STAT4: variants seen among roughly 807,000 people sequenced by gnomAD.
STAT4 encodes signal transducer and activator of transcription 4.
Under a neutral mutation model 110.5 loss-of-function variants are expected in STAT4, and 42 were observed. The observed-to-expected ratio is 0.38, with a 90% CI of 0.30 to 0.49. The LOEUF (loss-of-function observed/expected upper bound fraction) is 0.49, where lower values mean the gene tolerates loss of function less well. Among genes scored for constraint, STAT4 ranks in the 20% least tolerant of loss-of-function variants. STAT4 has a pLI of 0.95. For missense variants in STAT4, 632 were observed against 887.9 expected, an observed-to-expected ratio of 0.71 and a Z score of 3.66; for synonymous variants, 284 against 302.2, an observed-to-expected ratio of 0.94 and a Z score of 0.63.
upstream of STAT4, chr2:191,151,203 C>T: frequency 1.0e-6 from 1 of 985,722 alleles, no homozygotes; most frequent in South Asian, 4.7e-5. The surrounding 1 kb of genome is among the most constrained non-coding windows in gnomAD (Gnocchi z 4.7). Flanking sequence ...GTCCTCTTCC[C>T]TCTTATCCCT....
In STAT4 at chr2:191,062,151, C is replaced by T. The variant is rs1696866082; in HGVS notation, c.942-330G>A. 2.0e-5 allele frequency among the ~76,000 whole-genome samples: 3 copies of T among 152,272 alleles called. No individual in the cohort carries two copies. In the South Asian group the frequency reaches 6.2e-4, roughly 32 times the overall value. ...CTCACTGCAGTCTCAACCTCCTGAG[C>T]TCAAGTGATCCTCCTGCCTTGGCCT... On this transcript the variant is annotated intron_variant, in intron 9 of 23. Coordinates refer to ENST00000392320, the MANE Select transcript of STAT4 (RefSeq NM_003151.4). The surrounding 1 kb of genome is among the most constrained non-coding windows in gnomAD (Gnocchi z 4.9).
In STAT4 at chr2:191,061,664, G is replaced by A. The variant is rs1696853398; in HGVS notation, c.1034+65C>T. ...ATGCAAGCCACAATGAGAGAAATTGGCCTTGATCATCCAGAGACTATAGCT... is the reference window on the plus strand; with the variant it reads ...ATGCAAGCCACAATGAGAGAAATTGACCTTGATCATCCAGAGACTATAGCT... On this transcript the variant is annotated intron_variant, in intron 10 of 23. Coordinates refer to ENST00000392320, the MANE Select transcript of STAT4 (RefSeq NM_003151.4). The surrounding 1 kb of genome is among the most constrained non-coding windows in gnomAD (Gnocchi z 6.2). The A allele has an allele frequency of 2.1e-6, 3 of 1,428,912 alleles. No homozygotes were observed. The highest frequency in any genetic ancestry group is 1.7e-4 in the Middle Eastern group (1 of 5,726). The allele number at this position is 1,428,912 out of a possible 1,614,324, so 88.5% of individuals were successfully genotyped here.
In STAT4 at chr2:191,031,757, C is replaced by T. The variant is rs1197381189; in HGVS notation, c.2045-241G>A. On this transcript the variant is annotated intron_variant, in intron 21 of 23. Transcript: ENST00000392320. This position sits in a 1 kb window ranked among gnomAD's most constrained non-coding sequence, Gnocchi z 4.8. ...CCTAATCTGACTTTACATATTAATG[C>T]CTCTAAACTGTGTGGGAAAAATTGA... Among the ~76,000 whole-genome samples, 1 of 152,088 alleles carries T rather than the reference C, an allele frequency of 6.6e-6. No homozygotes were observed. The highest frequency in any genetic ancestry group is 1.9e-4 in the East Asian group (1 of 5,200).
intron 3 of STAT4, among the ~76,000 whole-genome samples, chr2:191,095,774 T>A (rs186354815): frequency 6.6e-6 from 1 of 152,142 alleles, no homozygotes; most frequent in East Asian, 1.9e-4. Flanking sequence ...AGAGCAGAAC[T>A]GAAAGAGATA....
rs1258202225 is a variant in STAT4 at position 191,031,677 on chromosome 2, A to G, written c.2045-161T>C. On this transcript the variant is annotated intron_variant, in intron 21 of 23. Coordinates refer to ENST00000392320, the MANE Select transcript of STAT4 (RefSeq NM_003151.4). The surrounding 1 kb of genome is among the most constrained non-coding windows in gnomAD (Gnocchi z 4.8). ...AATGTTTTGTTAAATAGGGGACACA[A>G]TCTTTTAGATAAGCATAAAATGTGC... is the stretch of plus-strand genomic sequence containing the variant. 6.6e-6 allele frequency among the ~76,000 whole-genome samples: 1 copy of G among 152,210 alleles called. No homozygotes were observed. Among genetic ancestry groups the G allele is most frequent in the Non-Finnish European group, 1.5e-5 (1 of 68,022 alleles).
Position 191,037,140 on chromosome 2 carries a change from A to G in STAT4, c.1435-841T>C, listed in dbSNP as rs1396548224. Among the ~76,000 whole-genome samples, 3 of 152,186 alleles carry G rather than the reference A, an allele frequency of 2.0e-5. No homozygotes were observed. The highest frequency in any genetic ancestry group is 7.2e-5 in the African/African-American group (3 of 41,450). On this transcript the variant is annotated intron_variant, in intron 16 of 23. Coordinates refer to ENST00000392320, the MANE Select transcript of STAT4 (RefSeq NM_003151.4). The surrounding 1 kb of genome is among the most constrained non-coding windows in gnomAD (Gnocchi z 4.8). ...TCATCCTAAACAAAACTTATATCAT[A>G]TTATTTAATTGGTTTATCGTGGGGT...
At position 191,035,945 on chromosome 2, in the gene STAT4, C is replaced by A. The variant is rs966778054; in HGVS notation, c.1570+219G>T. 6.6e-6 allele frequency among the ~76,000 whole-genome samples: 1 copy of A among 152,182 alleles called. No individual in the cohort carries two copies. The highest frequency in any genetic ancestry group is 1.5e-5 in the Non-Finnish European group (1 of 68,032). Reference sequence around the variant, plus strand: ...AGTCACTTGACTTCTGCACTCCAATCCAGTCATTTATAAAATTGGTAGAAT... The same window carrying A: ...AGTCACTTGACTTCTGCACTCCAATACAGTCATTTATAAAATTGGTAGAAT... On this transcript the variant is annotated intron_variant, in intron 17 of 23. Coordinates refer to ENST00000392320, the MANE Select transcript of STAT4 (RefSeq NM_003151.4). This position sits in a 1 kb window ranked among gnomAD's most constrained non-coding sequence, Gnocchi z 4.7.
Position 191,113,684 on chromosome 2 carries a change from C to T in STAT4, c.273+32929G>A, listed in dbSNP as rs1013634793. On this transcript the variant is annotated intron_variant, in intron 3 of 23. Coordinates refer to ENST00000392320, the MANE Select transcript of STAT4 (RefSeq NM_003151.4). This position sits in a 1 kb window ranked among gnomAD's most constrained non-coding sequence, Gnocchi z 4.8. ...TAAAGATGAAATTTAGAGAGTGTTC[C>T]GAGTTGGAGTTTCATCAAAAGGAGC... 3.9e-5 allele frequency among the ~76,000 whole-genome samples: 6 copies of T among 151,924 alleles called. No individual in the cohort carries two copies. The highest frequency in any genetic ancestry group is 5.9e-5 in the Non-Finnish European group (4 of 67,998).
chr2:191,065,919 G>T (rs1036471228), intron 7 of STAT4, among the ~76,000 whole-genome samples: 1 of 152,114 alleles, frequency 6.6e-6, no homozygotes, highest in Admixed American at 6.6e-5. Flanking sequence ...CAGAAAAAAA[G>T]TTCTTGCTCT....
At chr2:191,131,859 A>G in intron 3 of STAT4, 1 of 1,462,006 alleles carries the variant, frequency 6.8e-7, no homozygotes, top group Non-Finnish European at 9.0e-7. Flanking sequence ...AGGTTTCTCC[A>G]TGTCGATCCA....
At position 191,066,600 on chromosome 2, in the gene STAT4, T is replaced by C. The variant is rs1044013331; in HGVS notation, c.545-85A>G. 1.4e-5 allele frequency: 17 copies of C among 1,258,764 alleles called. No homozygotes were observed. The highest frequency in any genetic ancestry group is 3.0e-5 in the African/African-American group (2 of 67,182). The allele number at this position is 1,258,764 out of a possible 1,614,324, so 78.0% of individuals were successfully genotyped here. On this transcript the variant is annotated intron_variant, in intron 6 of 23. Coordinates refer to ENST00000392320, the MANE Select transcript of STAT4 (RefSeq NM_003151.4). The surrounding 1 kb of genome is among the most constrained non-coding windows in gnomAD (Gnocchi z 4.3). ...TCAATCCACCATCCTAAAACAGCCC[T>C]GGCCCGGAGAACTTATGTGGTAAGA... is the stretch of plus-strand genomic sequence containing the variant.
At chr2:191,081,252 C>G (rs778952062) in intron 3 of STAT4, among the ~76,000 whole-genome samples, 1 of 152,112 alleles carries the variant, frequency 6.6e-6, no homozygotes, top group Non-Finnish European at 1.5e-5. Context: ...TGATGAGCAT[C>G]TGGGTTGGTT....
At position 191,030,553 on chromosome 2, in the gene STAT4, G is replaced by T. The variant is rs539575760; in HGVS notation, c.2220+419C>A. 3.3e-5 allele frequency among the ~76,000 whole-genome samples: 5 copies of T among 152,262 alleles called. No homozygotes were observed. Among genetic ancestry groups the T allele is most frequent in the African/African-American group, 1.2e-4 (5 of 41,550 alleles). On this transcript the variant is annotated intron_variant, in intron 23 of 23. Coordinates refer to ENST00000392320, the MANE Select transcript of STAT4 (RefSeq NM_003151.4). The surrounding 1 kb of genome is among the most constrained non-coding windows in gnomAD (Gnocchi z 4.4). ...CAATTTGTGATGTTTGCACTGTTAA[G>T]ATAGCAAACTGGGTTTACTAGATAG...
chr2:191,087,268 C>G (rs1228658437), intron 3 of STAT4, among the ~76,000 whole-genome samples: 1 of 152,134 alleles, frequency 6.6e-6, no homozygotes, highest in Non-Finnish European at 1.5e-5. Flanking sequence ...ATTTAACAAC[C>G]TCTAAACCTA....
At position 191,061,731 on chromosome 2, in the gene STAT4, T is replaced by C. The variant is rs1218149367; in HGVS notation, c.1032A>G (p.Leu344=). ...LKTLIQFTVK[L]RLLIKLPELN... ...TAGTAGAAAATGTTTTTGCCTACCT[T>C]AGTTTTACAGTGAACTGAATTAGGG... The change falls in exon 10 of 24, where the codon CTA becomes CTG. Residue 344 remains leucine (L), a splice_region_variant and synonymous_variant. Transcript: ENST00000392320. This position sits in a 1 kb window ranked among gnomAD's most constrained non-coding sequence, Gnocchi z 6.2. The C allele has an allele frequency of 1.2e-6, 2 of 1,613,946 alleles. No individual in the cohort carries two copies. Among genetic ancestry groups the C allele is most frequent in the Non-Finnish European group, 1.7e-6 (2 of 1,179,830 alleles).
chr2:191,091,747 G>C lies in STAT4; in HGVS notation c.274-15422C>G, dbSNP rs1428709585. On this transcript the variant is annotated intron_variant, in intron 3 of 23. Transcript: ENST00000392320. This position sits in a 1 kb window ranked among gnomAD's most constrained non-coding sequence, Gnocchi z 5.4. ...TGTTTGTGATAAATGCTGTCATCCT[G>C]AGTATACAGCTAGGTAAACTGAGAT... Among the ~76,000 whole-genome samples the C allele has an allele frequency of 6.6e-6, 1 of 152,116 alleles. No homozygotes were observed. The highest frequency in any genetic ancestry group is 2.4e-5 in the African/African-American group (1 of 41,416).
chr2:191,148,379 T>C (rs1699509783), intron 1 of STAT4, among the ~76,000 whole-genome samples, 175 bp from the exon 2 acceptor site: 1 of 152,178 alleles, frequency 6.6e-6, no homozygotes, highest in Non-Finnish European at 1.5e-5. Flanking sequence ...GGAGCAGCCT[T>C]CTTTCTGTGC....
rs1695884987 is a variant in STAT4, at chr2:191,031,263, T to C, written c.2112-183A>G. 2 of 890,464 alleles carry C rather than the reference T, an allele frequency of 2.2e-6. No individual in the cohort carries two copies. The highest frequency in any genetic ancestry group is 3.4e-6 in the Non-Finnish European group (2 of 589,390). 55.2% of individuals were successfully genotyped at this position (890,464 alleles called of 1,614,324 possible). A position where few individuals can be genotyped will look rare whatever the true frequency, so the allele number is the denominator to read the frequency against. On this transcript the variant is annotated intron_variant, in intron 22 of 23. Coordinates refer to ENST00000392320, the MANE Select transcript of STAT4 (RefSeq NM_003151.4). The surrounding 1 kb of genome is among the most constrained non-coding windows in gnomAD (Gnocchi z 4.8). ...GCATATATGGCATATAAAAGGGGAA[T>C]TTTATAATTTTAGGCACAATAGATT... is the stretch of plus-strand genomic sequence containing the variant.
Position 191,058,229 on chromosome 2 carries a change from C to G in STAT4, c.1095-10G>C. On this transcript the variant is annotated splice_polypyrimidine_tract_variant and intron_variant, in intron 11 of 23. Coordinates refer to ENST00000392320, the MANE Select transcript of STAT4 (RefSeq NM_003151.4). This position sits in a 1 kb window ranked among gnomAD's most constrained non-coding sequence, Gnocchi z 4.3. The stretch of plus-strand genomic sequence containing the variant: ...TAGAGTTGAAACATTCCTGTAAAAC[C>G]AAGAAGATTCTTTAAAACAAGCTAT... 2 of 1,611,174 alleles carry G rather than the reference C, an allele frequency of 1.2e-6. No homozygotes were observed. Among genetic ancestry groups the G allele is most frequent in the Non-Finnish European group, 1.7e-6 (2 of 1,178,176 alleles).
Sources: gnomAD v4.1 joint callset for allele counts (sites outside exome capture counted in the v4.1 genomes callset) on GRCh38, gnomAD v4.1.1 for gene constraint, Gnocchi (gnomAD v3.1) non-coding constraint, MANE v1.5 for transcripts, NCBI Gene and HGNC (gene_info 2026-07-23, HGNC 2026-07-21) for gene names.